The following WDR70 variants were observed in gnomAD, a reference collection of about 807,000 sequenced individuals.
The protein encoded by WDR70 is WD repeat domain 70, also known as WD repeat-containing protein 70.
In WDR70, 53 loss-of-function variants were observed where a neutral mutation model predicts 88.6. That is an observed-to-expected ratio of 0.60 (90% CI 0.48 to 0.75). The LOEUF is 0.75. Ranked by LOEUF, WDR70 falls within the 30% of genes least tolerant of loss-of-function variation. The pLI is 0.00. For missense variants in WDR70, 610 were observed against 823.2 expected (o/e 0.74, Z 3.17); for synonymous variants, 280 against 270.0 (o/e 1.04, Z -0.36).
At chr5:37,413,943 C>T (rs930373885) in intron 5 of WDR70, among the ~76,000 whole-genome samples, 9 of 151,690 alleles carry the variant, frequency 5.9e-5, no homozygotes, top group African/African-American at 1.2e-4. Context: ...ATTGGTAGTT[C>T]GAGACCAGCC....
chr5:37,716,430 G>T (rs1020462557), intron 13 of WDR70, among the ~76,000 whole-genome samples: 55 of 152,210 alleles, frequency 3.6e-4, no homozygotes, highest in African/African-American at 1.3e-3. Flanking sequence ...TTTCTACTGG[G>T]TTAGGTGGGT....
At chr5:37,486,141 C>T (rs1739860746) in intron 8 of WDR70, among the ~76,000 whole-genome samples, 1 of 152,010 alleles carries the variant, frequency 6.6e-6, no homozygotes, top group Admixed American at 6.6e-5. Flanking sequence ...ACCGTAACTA[C>T]ACTGAATAAT....
intron 10 of WDR70, among the ~76,000 whole-genome samples, chr5:37,687,390 C>G (rs1274885449): frequency 6.6e-6 from 1 of 152,098 alleles, no homozygotes; most frequent in Admixed American, 6.5e-5. Context: ...GTGCATCTCT[C>G]CCTCTCCTGT....
chr5:37,390,694 A>G (rs1748788229), intron 3 of WDR70, among the ~76,000 whole-genome samples: 1 of 149,844 alleles, frequency 6.7e-6, no homozygotes, highest in Non-Finnish European at 1.5e-5. Flanking sequence ...ATTCTAGTGT[A>G]GGAAATTCAG....
chr5:37,493,932 C>T (rs187503197), intron 8 of WDR70, among the ~76,000 whole-genome samples: 123 of 151,894 alleles, frequency 8.1e-4, no homozygotes, highest in African/African-American at 2.9e-3. Flanking sequence ...AATTCTCCTG[C>T]CTCAGCCTTC....
At chr5:37,554,146 G>A (rs1317951183) in intron 9 of WDR70, among the ~76,000 whole-genome samples, 1 of 127,520 alleles carries the variant, frequency 7.8e-6, no homozygotes, top group Non-Finnish European at 1.6e-5. Flanking sequence ...CAGGTTGTTT[G>A]TACTTAGCCA....
chr5:37,505,847 A>G (rs562221286), intron 8 of WDR70: 14 of 1,364,630 alleles, frequency 1.0e-5, no homozygotes, highest in African/African-American at 2.9e-5. Flanking sequence ...TGAGGTTACA[A>G]TTCTTCAACT....
chr5:37,414,272 T>C (rs1749623696), intron 5 of WDR70, among the ~76,000 whole-genome samples: 1 of 148,572 alleles, frequency 6.7e-6, no homozygotes, highest in East Asian at 1.9e-4. Flanking sequence ...CTTTATCCCC[T>C]TCTACCCCCT....
intron 17 of WDR70, among the ~76,000 whole-genome samples, chr5:37,729,917 C>T (rs1364395506): frequency 6.6e-6 from 1 of 152,066 alleles, no homozygotes; most frequent in Non-Finnish European, 1.5e-5. Flanking sequence ...CTATCCACCC[C>T]TTGTAGCTAA....
Position 37,752,641 on chromosome 5 carries a change from T to A in WDR70, c.*68T>A. 9.3e-7 allele frequency: 1 copy of A among 1,070,248 alleles called. No individual in the cohort carries two copies. The highest frequency in any genetic ancestry group is 1.6e-5 in the African/African-American group (1 of 61,114). The allele number at this position is 1,070,248 out of a possible 1,614,324, so 66.3% of individuals were successfully genotyped here. ...GGGACAGGTTTGGGTTTTTTTTTTA[T>A]GCTCATGAAATTAAAAATTCATTTT... On this transcript the variant is annotated 3_prime_UTR_variant, in exon 18 of 18. Transcript: ENST00000265107.
At chr5:37,402,138 T>G (rs980473906) in intron 5 of WDR70, among the ~76,000 whole-genome samples, 1 of 152,194 alleles carries the variant, frequency 6.6e-6, no homozygotes, top group Non-Finnish European at 1.5e-5. Flanking sequence ...TCTCCACTTT[T>G]ATGAGATCAG....
intron 10 of WDR70, among the ~76,000 whole-genome samples, chr5:37,657,759 T>C (rs1745598204): frequency 6.6e-6 from 1 of 152,200 alleles, no homozygotes; most frequent in African/African-American, 2.4e-5. Flanking sequence ...AGACCCTTGA[T>C]AATCTGACTC....
At chr5:37,495,517 G>T (rs1180056797) in intron 8 of WDR70, among the ~76,000 whole-genome samples, 1 of 151,878 alleles carries the variant, frequency 6.6e-6, no homozygotes, top group Non-Finnish European at 1.5e-5. Flanking sequence ...GAGGAAACCA[G>T]TGTTGGTCAT....
At chr5:37,397,142 G>GC (rs35440886) in intron 5 of WDR70, among the ~76,000 whole-genome samples, 9 of 120,382 alleles carry the variant, frequency 7.5e-5, no homozygotes, top group African/African-American at 2.5e-4. Context: ...GTCTCAAACC[G>GC]CCCCCCCCAA....
chr5:37,676,249 T>G (rs1746202408), intron 10 of WDR70, among the ~76,000 whole-genome samples: 1 of 151,380 alleles, frequency 6.6e-6, no homozygotes, highest in African/African-American at 2.4e-5. Flanking sequence ...CTAATTGCCC[T>G]GGCCAGAACT....
intron 7 of WDR70, among the ~76,000 whole-genome samples, chr5:37,477,473 A>G (rs546373238): frequency 6.6e-6 from 1 of 152,280 alleles, no homozygotes; most frequent in South Asian, 2.1e-4. Flanking sequence ...TTTGGGAGGA[A>G]GGGCTCACCA....
intron 9 of WDR70, among the ~76,000 whole-genome samples, chr5:37,592,168 G>A (rs1413732832): frequency 6.6e-6 from 1 of 152,098 alleles, no homozygotes; most frequent in African/African-American, 2.4e-5. Flanking sequence ...TCTTGAGATG[G>A]GACCCAAGTC....
At chr5:37,464,105 T>G (rs1021389169) in intron 7 of WDR70, among the ~76,000 whole-genome samples, 6 of 152,232 alleles carry the variant, frequency 3.9e-5, no homozygotes, top group Non-Finnish European at 5.9e-5. Flanking sequence ...TCTTAAACTT[T>G]TATATTTTTT....
At chr5:37,547,150 A>C (rs1300951083) in intron 9 of WDR70, among the ~76,000 whole-genome samples, 1 of 152,170 alleles carries the variant, frequency 6.6e-6, no homozygotes, top group Non-Finnish European at 1.5e-5. Context: ...TGTATGATGC[A>C]CCAGTATTCT....
Sources: gnomAD v4.1 joint callset for allele counts (sites outside exome capture counted in the v4.1 genomes callset) on GRCh38, gnomAD v4.1.1 for gene constraint, MANE v1.5 for transcripts, NCBI Gene and HGNC (gene_info 2026-07-23, HGNC 2026-07-21) for gene names.